Variants in PNLIPRP1 observed in about 807,000 individuals in gnomAD.
PNLIPRP1 encodes the protein pancreatic lipase related protein 1, also known as inactive pancreatic lipase-related protein 1.
In PNLIPRP1, 57 loss-of-function variants were observed where a neutral mutation model predicts 54.6. That is an observed-to-expected ratio of 1.04 (90% CI 0.84 to 1.30). PNLIPRP1 has a LOEUF of 1.30. Ranked by LOEUF, PNLIPRP1 falls within the 50% of genes most tolerant of loss-of-function variation. The pLI is 0.00. For synonymous variants in PNLIPRP1, 232 were observed against 208.8 expected (o/e 1.11, Z -0.96); for missense variants, 567 against 568.5 (o/e 1.00, Z 0.03).
chr10:116,591,446 A>G (rs1290208400), intron 2 of PNLIPRP1, among the ~76,000 whole-genome samples: 1 of 152,232 alleles, frequency 6.6e-6, no homozygotes, highest in Non-Finnish European at 1.5e-5. Flanking sequence ...GAGTTAACAT[A>G]TTGACTTATC....
At chr10:116,595,062 G>A (rs933505367) in intron 5 of PNLIPRP1, 198 bp downstream of exon 5, 43 of 597,790 alleles carry the variant, frequency 7.2e-5, no homozygotes, top group Non-Finnish European at 1.1e-4. Flanking sequence ...CTTAGAAAGT[G>A]GTTTTTTAAA....
chr10:116,598,553 C>G (rs1352591805), intron 8 of PNLIPRP1, among the ~76,000 whole-genome samples: 2 of 152,180 alleles, frequency 1.3e-5, no homozygotes, highest in Admixed American at 1.3e-4. Context: ...TGATAAGGTT[C>G]AAAATGATGT....
In PNLIPRP1 at chr10:116,600,118, G is replaced by A. The variant is rs959649900; in HGVS notation, c.886G>A (p.Asp296Asn). The change falls in exon 9 of 13, where the codon GAT (aspartate) becomes AAT (asparagine). Residue 296 changes from aspartate to asparagine, a missense_variant. Transcript: ENST00000358834. The part of the protein sequence containing the change: ...KYYLESILNP[D>N]GFAAYPCTSY... ...TTACTTGGAAAGCATCCTCAATCCC[G>A]ATGGGTTTGCTGCATATCCCTGCAC... 1.1e-5 allele frequency: 18 copies of A among 1,613,622 alleles called. No individual in the cohort carries two copies. The highest frequency in any genetic ancestry group is 3.3e-5 in the Admixed American group (2 of 59,990).
chr10:116,601,284 A>G, intron 10 of PNLIPRP1, 83 bp downstream of exon 10: 1 of 1,251,162 alleles, frequency 8.0e-7, no homozygotes, highest in Non-Finnish European at 1.1e-6. Flanking sequence ...TCAACCTGAA[A>G]TATTTGTGGG....
intron 4 of PNLIPRP1, chr10:116,593,954 C>CAAAAAAAAAAAA (rs57786929): frequency 4.2e-5 from 4 of 94,274 alleles, no homozygotes; most frequent in African/African-American, 7.5e-5. Context: ...GAGGCTGTCT[C>CAAAAAAAAAAAA]AAAAAAAAAA....
chr10:116,605,131 A>G (rs1169594289), intron 11 of PNLIPRP1, among the ~76,000 whole-genome samples: 1 of 152,180 alleles, frequency 6.6e-6, no homozygotes, highest in Non-Finnish European at 1.5e-5. Context: ...ATTCTTCCAA[A>G]ACATATAAAA....
In PNLIPRP1 at chr10:116,598,162, G is replaced by T; in HGVS notation, c.810G>T (p.Trp270Cys). The change falls in exon 8 of 13, where the codon TGG becomes TGT. Residue 270 changes from tryptophan to cysteine, a missense_variant. By Grantham distance (215) the Trp-to-Cys change is radical (BLOSUM62 -2). Coordinates refer to ENST00000358834, the MANE Select transcript of PNLIPRP1 (RefSeq NM_006229.4). ...LSQIVDLDGI[W>C]AGTRDFVACN... ...AGATCGTGGATCTAGATGGCATCTG[G>T]GCGGGTAAAGTCATGGTGGGGTGAG... is the stretch of plus-strand genomic sequence containing the variant. 1 of 1,613,294 alleles carries T rather than the reference G, an allele frequency of 6.2e-7. No individual in the cohort carries two copies. The highest frequency in any genetic ancestry group is 8.5e-7 in the Non-Finnish European group (1 of 1,179,708).
intron 4 of PNLIPRP1, chr10:116,593,962 AAAAAAAAAAAAGAAAG>A (rs1446998245): frequency 5.9e-6 from 1 of 169,848 alleles, no homozygotes; most frequent in African/African-American, 2.4e-5. Context: ...CTCAAAAAAA[AAAAAAAAAAAAGAAAG>A]AAAAAAAGAA....
rs530105506 is a variant in PNLIPRP1, at chr10:116,599,409, G to T, written c.815-638G>T. The stretch of plus-strand genomic sequence containing the variant: ...GTAATGGCCCAGCAAGCTCAGGCCA[G>T]GTCTAGAAGGTATAATGTAACATTT... On this transcript the variant is annotated intron_variant, in intron 8 of 12. Coordinates refer to ENST00000358834, the MANE Select transcript of PNLIPRP1 (RefSeq NM_006229.4). 2.0e-5 allele frequency among the ~76,000 whole-genome samples: 3 copies of T among 152,280 alleles called. No homozygotes were observed. The South Asian group carries it at 6.2e-4, about 32-fold the overall frequency.
intron 10 of PNLIPRP1, among the ~76,000 whole-genome samples, chr10:116,602,310 C>T (rs1447943705): frequency 3.3e-5 from 5 of 149,922 alleles, no homozygotes; most frequent in African/African-American, 1.2e-4. Flanking sequence ...TGAGCCACCG[C>T]ACCCGGCCCA....
chr10:116,608,688 C>T (rs973838264), intron 12 of PNLIPRP1, among the ~76,000 whole-genome samples: 19 of 152,222 alleles, frequency 1.2e-4, no homozygotes, highest in Non-Finnish European at 2.1e-4. Context: ...GGCCGCTGTC[C>T]CCTTCCGAGA....
intron 2 of PNLIPRP1, 69 bp downstream of exon 2, chr10:116,591,247 C>G: frequency 7.7e-7 from 1 of 1,292,056 alleles, no homozygotes; most frequent in South Asian, 1.2e-5. Context: ...CCAGAGAAAG[C>G]TTTAACTGTG....
intron 5 of PNLIPRP1, chr10:116,595,975 G>A (rs1847727932): frequency 2.4e-6 from 1 of 423,696 alleles, no homozygotes; most frequent in Non-Finnish European, 4.3e-6. Context: ...CAGGCCCAGA[G>A]GTGAGAGGCT....
Position 116,600,005 on chromosome 10 carries a change from G to C in PNLIPRP1, c.815-42G>C, listed in dbSNP as rs56373266. On this transcript the variant is annotated intron_variant, in intron 8 of 12. Transcript: ENST00000358834. ...GAGAGAGGCAGAGAAGCTGTTACAG[G>C]CCCCCAACCACCTGTTCAGGTCTCC... The C allele has an allele frequency of 1.9e-3, 2,434 of 1,285,644 alleles. 37 individuals carry two copies. In the African/African-American group the frequency reaches 0.03, roughly 16 times the overall value. 79.6% of individuals were successfully genotyped at this position (1,285,644 alleles called of 1,614,324 possible). A position where few individuals can be genotyped will look rare whatever the true frequency, so the allele number is the denominator to read the frequency against.
At chr10:116,600,208 G>T in intron 9 of PNLIPRP1, 43 bp downstream of exon 9, 1 of 1,249,618 alleles carries the variant, frequency 8.0e-7, no homozygotes, top group South Asian at 1.2e-5. Context: ...TCACCCCTCT[G>T]AGGGACTGCT....
In PNLIPRP1 at chr10:116,592,455, A is replaced by T; in HGVS notation, c.244A>T (p.Asn82Tyr). The T allele has an allele frequency of 6.2e-7, 1 of 1,613,480 alleles. No individual in the cohort carries two copies. Among genetic ancestry groups the T allele is most frequent in the East Asian group, 2.2e-5 (1 of 44,852 alleles). ...TGATCCATCAACAATTGAGGCATCA[A>T]ATTTTCAAATGGACAGAAAGACCCG... ...LSDPSTIEAS[N>Y]FQMDRKTRFI... Residue 82 changes from asparagine (N) to tyrosine (Y), a missense_variant, in exon 4 of 13, where the codon AAT becomes TAT. Physicochemically the swap from Asn to Tyr is moderately radical, Grantham distance 143. Coordinates refer to ENST00000358834, the MANE Select transcript of PNLIPRP1 (RefSeq NM_006229.4).
Position 116,609,043 on chromosome 10 carries a change from T to C in PNLIPRP1, c.1341-10T>C. 2 of 1,606,956 alleles carry C rather than the reference T, an allele frequency of 1.2e-6. No homozygotes were observed. The highest frequency in any genetic ancestry group is 2.2e-5 in the South Asian group (2 of 90,934). Reference sequence around the variant, plus strand: ...ACCCAAACTCTTACAAAGCTTCCTTTTCTCCCCAGGTACAACTTCTGTAGC... The same window carrying C: ...ACCCAAACTCTTACAAAGCTTCCTTCTCTCCCCAGGTACAACTTCTGTAGC... On this transcript the variant is annotated splice_polypyrimidine_tract_variant and intron_variant, in intron 12 of 12. Transcript: ENST00000358834.
intron 11 of PNLIPRP1, among the ~76,000 whole-genome samples, chr10:116,604,635 A>G (rs1485881877): frequency 6.9e-6 from 1 of 144,256 alleles, no homozygotes; most frequent in East Asian, 2.0e-4. Flanking sequence ...TCTGCTAATA[A>G]TTTTTCTTTT....
intron 4 of PNLIPRP1, chr10:116,594,221 C>T: frequency 2.3e-6 from 1 of 430,972 alleles, no homozygotes; most frequent in Middle Eastern, 3.4e-4. Context: ...TAAATCAGTA[C>T]AGTTCTATTT....
Sources: allele counts gnomAD v4.1 joint callset (sites outside exome capture counted in the v4.1 genomes callset), GRCh38; gene constraint gnomAD v4.1.1; transcripts MANE v1.5; gene names NCBI Gene and HGNC (gene_info 2026-07-23, HGNC 2026-07-21).